CRPPA: variants seen among roughly 807,000 people sequenced by gnomAD.
CRPPA encodes D-ribitol-5-phosphate cytidylyltransferase.
In CRPPA, 43 loss-of-function variants were observed where a neutral mutation model predicts 52.0. That is an observed-to-expected ratio of 0.83 (90% CI 0.65 to 1.07). The LOEUF is 1.07. Ranked by LOEUF, CRPPA falls within the 50% of genes least tolerant of loss-of-function variation. The pLI is 0.00. For missense variants in CRPPA, 629 were observed against 551.7 expected, an observed-to-expected ratio of 1.14 and a Z score of -1.40; for synonymous variants, 250 against 203.5, an observed-to-expected ratio of 1.23 and a Z score of -1.94.
At chr7:16,398,563 AGTGATCGACAC>A (rs1787686287) in intron 2 of CRPPA, among the ~76,000 whole-genome samples, 1 of 152,276 alleles carries the variant, frequency 6.6e-6, no homozygotes, top group Non-Finnish European at 1.5e-5. Context: ...GTGATCGTCA[AGTGATCGACAC>A]GTGTGGCACG....
intron 9 of CRPPA, among the ~76,000 whole-genome samples, chr7:16,167,337 G>T (rs1021246473): frequency 5.3e-5 from 8 of 152,088 alleles, no homozygotes; most frequent in Admixed American, 6.6e-5. Context: ...ATCCAATCTT[G>T]TCATCTAATT....
In CRPPA at chr7:16,286,082, AT is replaced by A. The variant is rs1562608634; in HGVS notation, c.836-7857del. On this transcript the variant is annotated intron_variant, in intron 5 of 9. Transcript: ENST00000407010. ...ATATATATATATATATATATATATAATATTTAAAAAAAAAAATATATATATA... is the reference window on the plus strand; with the variant it reads ...ATATATATATATATATATATATATAAATTTAAAAAAAAAAATATATATATA... Among the ~76,000 whole-genome samples, 219 of 30,906 alleles carry A rather than the reference AT, an allele frequency of 7.1e-3. 6 individuals are homozygous for A. Among genetic ancestry groups the A allele is most frequent in the Non-Finnish European group, 0.01 (166 of 16,308 alleles). The allele number at this position is 30,906 out of a possible 152,430, so 20.3% of individuals were successfully genotyped here.
At chr7:16,131,850 G>A (rs1782687056) in intron 9 of CRPPA, among the ~76,000 whole-genome samples, 1 of 152,190 alleles carries the variant, frequency 6.6e-6, no homozygotes, top group African/African-American at 2.4e-5. Context: ...CAAAGTGCAG[G>A]TGTGAGTGAG....
At chr7:16,317,186 G>C (rs78911190) in intron 3 of CRPPA, among the ~76,000 whole-genome samples, 1 of 152,036 alleles carries the variant, frequency 6.6e-6, no homozygotes, top group Non-Finnish European at 1.5e-5. Flanking sequence ...CAACCATGGT[G>C]TTGCCATGTA....
chr7:16,280,522 A>G (rs1172514895), intron 5 of CRPPA, among the ~76,000 whole-genome samples: 1 of 152,234 alleles, frequency 6.6e-6, no homozygotes, highest in Non-Finnish European at 1.5e-5. Flanking sequence ...TGGTGCCACA[A>G]ACATTTATAT....
intron 9 of CRPPA, among the ~76,000 whole-genome samples, chr7:16,167,155 T>G (rs1263003588): frequency 1.3e-5 from 2 of 152,048 alleles, no homozygotes; most frequent in African/African-American, 4.8e-5. Context: ...CTCGATCTCC[T>G]GATCTCGTGA....
intron 2 of CRPPA, among the ~76,000 whole-genome samples, chr7:16,398,164 T>C (rs1168769398): frequency 6.6e-6 from 1 of 151,836 alleles, no homozygotes; most frequent in African/African-American, 2.4e-5. Flanking sequence ...AATGACACAA[T>C]TGACACATGA....
chr7:16,397,947 A>T (rs1787656334), intron 2 of CRPPA, among the ~76,000 whole-genome samples: 1 of 152,232 alleles, frequency 6.6e-6, no homozygotes, highest in African/African-American at 2.4e-5. Context: ...CACGTGATTG[A>T]CACGTTTGAC....
intron 9 of CRPPA, among the ~76,000 whole-genome samples, chr7:16,195,214 C>G (rs1456142395): frequency 3.9e-5 from 6 of 152,096 alleles, no homozygotes; most frequent in African/African-American, 1.2e-4. Context: ...CTTTCTAGTT[C>G]CCTCTGGAAT....
intron 9 of CRPPA, among the ~76,000 whole-genome samples, chr7:16,123,558 G>C (rs948121530): frequency 1.3e-5 from 2 of 152,048 alleles, no homozygotes; most frequent in African/African-American, 4.8e-5. Context: ...CTCTTAGCAG[G>C]GGACCACCCA....
chr7:16,103,226 T>C (rs1423923783), intron 9 of CRPPA, among the ~76,000 whole-genome samples: 1 of 152,160 alleles, frequency 6.6e-6, no homozygotes, highest in African/African-American at 2.4e-5. Flanking sequence ...ACACCGCATG[T>C]TCTCACTCAT....
At chr7:16,337,512 A>G (rs1043272138) in intron 3 of CRPPA, among the ~76,000 whole-genome samples, 2 of 152,112 alleles carry the variant, frequency 1.3e-5, no homozygotes, top group South Asian at 4.1e-4. Flanking sequence ...AAGGTAGATC[A>G]CAACCAAAAT....
intron 9 of CRPPA, among the ~76,000 whole-genome samples, chr7:16,125,320 G>C (rs900468422): frequency 1.4e-5 from 2 of 142,508 alleles, no homozygotes; most frequent in Non-Finnish European, 3.1e-5. Flanking sequence ...CAGAATTTTT[G>C]TTCCTTTAAA....
chr7:16,165,251 TTTAAA>T (rs1173470760), intron 9 of CRPPA, among the ~76,000 whole-genome samples: 1 of 152,002 alleles, frequency 6.6e-6, no homozygotes, highest in Non-Finnish European at 1.5e-5. Flanking sequence ...TTTTGGACAT[TTTAAA>T]TTAATATCAC....
At chr7:16,326,022 G>A (rs1294855527) in intron 3 of CRPPA, among the ~76,000 whole-genome samples, 2 of 143,794 alleles carry the variant, frequency 1.4e-5, no homozygotes, top group African/African-American at 5.2e-5. Flanking sequence ...AGATTAGAAT[G>A]TTTTAACATA....
At chr7:16,208,800 TG>T in intron 9 of CRPPA, 1 of 163,482 alleles carries the variant, frequency 6.1e-6, no homozygotes, top group Non-Finnish European at 1.3e-5. Flanking sequence ...ACTGAAACCT[TG>T]TTGGAAGTTC....
chr7:16,316,292 G>T (rs1232051349), intron 3 of CRPPA, among the ~76,000 whole-genome samples: 1 of 152,088 alleles, frequency 6.6e-6, no homozygotes, highest in Non-Finnish European at 1.5e-5. Flanking sequence ...TTATCTCTGG[G>T]AGACAGAAGA....
chr7:16,268,301 A>C (rs1456320103), intron 6 of CRPPA, among the ~76,000 whole-genome samples: 1 of 152,150 alleles, frequency 6.6e-6, no homozygotes, highest in African/African-American at 2.4e-5. Context: ...ATCAGCTATA[A>C]TTTGTATGAA....
intron 3 of CRPPA, among the ~76,000 whole-genome samples, chr7:16,347,753 T>C (rs889831036): frequency 3.9e-5 from 6 of 152,178 alleles, no homozygotes; most frequent in African/African-American, 1.4e-4. Flanking sequence ...GATTCTTCCA[T>C]AGGCACTGTA....
Sources: gnomAD v4.1 joint callset for allele counts (sites outside exome capture counted in the v4.1 genomes callset) on GRCh38, gnomAD v4.1.1 for gene constraint, MANE v1.5 for transcripts, NCBI Gene and HGNC (gene_info 2026-07-23, HGNC 2026-07-21) for gene names.